ODAD1: variants seen among roughly 807,000 people sequenced by gnomAD.
The protein encoded by ODAD1 is outer dynein arm-docking complex subunit 1.
In ODAD1, 49 loss-of-function variants were observed where a neutral mutation model predicts 67.2. That is an observed-to-expected ratio of 0.73 (90% confidence interval 0.58 to 0.92). ODAD1 has a LOEUF of 0.92. ODAD1 is among the 40% of genes least tolerant of loss of function. The pLI, the probability that ODAD1 is intolerant of heterozygous loss-of-function variation, is 0.00. For synonymous variants in ODAD1, 345 were observed against 393.7 expected, an observed-to-expected ratio of 0.88 and a Z score of 1.46; for missense variants, 897 against 953.7, an observed-to-expected ratio of 0.94 and a Z score of 0.78.
At chr19:48,307,844 A>G (rs1968654677) in intron 7 of ODAD1, among the ~76,000 whole-genome samples, 1 of 151,588 alleles carries the variant, frequency 6.6e-6, no homozygotes, top group Non-Finnish European at 1.5e-5. Flanking sequence ...AAAAAAGAAA[A>G]CGGTCTCTTA....
chr19:48,318,338 C>T (rs901066045), intron 5 of ODAD1, 49 bp downstream of exon 5: 2 of 1,498,012 alleles, frequency 1.3e-6, no homozygotes, highest in Non-Finnish European at 1.8e-6. Context: ...AGGGAGGTTA[C>T]AACACTTGCC....
chr19:48,298,979 AC>A (rs1968384436), intron 12 of ODAD1, among the ~76,000 whole-genome samples: 4 of 150,726 alleles, frequency 2.7e-5, no homozygotes, highest in African/African-American at 9.8e-5. Flanking sequence ...GCTCCCCACC[AC>A]CCCCCACCTT....
chr19:48,311,871 A>G, intron 6 of ODAD1, 123 bp downstream of exon 6: 1 of 974,000 alleles, frequency 1.0e-6, no homozygotes, highest in Non-Finnish European at 1.5e-6. Context: ...CCATCCCTCC[A>G]GAATCCTGTG....
Position 48,298,360 on chromosome 19 carries a change from T to G in ODAD1, c.1241-20A>C. ...GGATATCTGCGTCATGGAGGGCCGGTTGTCAGGGATCTGGCACCGCCAGCT... is the reference window on the plus strand; with the variant it reads ...GGATATCTGCGTCATGGAGGGCCGGGTGTCAGGGATCTGGCACCGCCAGCT... On this transcript the variant is annotated intron_variant, in intron 12 of 15. Transcript: ENST00000674294. The G allele has an allele frequency of 1.2e-6, 2 of 1,612,844 alleles. No individual in the cohort carries two copies. The highest frequency in any genetic ancestry group is 1.7e-6 in the Non-Finnish European group (2 of 1,179,278).
At chr19:48,317,201 T>C (rs1968922860) in intron 5 of ODAD1, among the ~76,000 whole-genome samples, 1 of 149,688 alleles carries the variant, frequency 6.7e-6, no homozygotes, top group African/African-American at 2.5e-5. Context: ...GAATCCCACA[T>C]TAAAAAATGT....
chr19:48,306,397 G>T, intron 7 of ODAD1, 74 bp from the exon 8 acceptor site: 2 of 1,294,336 alleles, frequency 1.5e-6, no homozygotes, highest in Non-Finnish European at 2.2e-6. Flanking sequence ...TTTTGGCCCC[G>T]TGCTTCTCCA....
chr19:48,312,138 C>T lies in ODAD1; in HGVS notation c.361-22G>A, dbSNP rs143162483. 3.9e-6 allele frequency: 6 copies of T among 1,548,492 alleles called. No homozygotes were observed. The East Asian group carries it at 1.5e-4, about 38-fold the overall frequency. On this transcript the variant is annotated intron_variant, in intron 5 of 15. Transcript: ENST00000674294. ...GGATCTACAAGAAAGAGGATGGTAC[C>T]TGTTTTTGGTTGCCTGAATGTGGGA...
chr19:48,297,608 C>G lies in ODAD1; in HGVS notation c.1563G>C (p.Leu521=). 1 of 1,542,730 alleles carries G rather than the reference C, an allele frequency of 6.5e-7. No individual in the cohort carries two copies. The highest frequency in any genetic ancestry group is 8.7e-7 in the Non-Finnish European group (1 of 1,147,654). The change falls in exon 15 of 16, where the codon CTG becomes CTC. Residue 521 remains leucine, a synonymous_variant. Coordinates refer to ENST00000674294, the MANE Select transcript of ODAD1 (RefSeq NM_001364171.2). ...CTCTCACCAGCTTCTCCACTTGGCTCAGCAGCTCCTCCCTGCTCATGGGGT... is the reference window on the plus strand; with the variant it reads ...CTCTCACCAGCTTCTCCACTTGGCTGAGCAGCTCCTCCCTGCTCATGGGGT... ...DDYPMSREEL[L]SQVEKLVELQ...
At chr19:48,300,424 C>T (rs1160568070) in intron 12 of ODAD1, among the ~76,000 whole-genome samples, 1 of 152,142 alleles carries the variant, frequency 6.6e-6, no homozygotes, top group Non-Finnish European at 1.5e-5. Context: ...GGAGTTCAAA[C>T]AATGAAACTT....
At chr19:48,306,048 G>T in intron 8 of ODAD1, 1 of 281,748 alleles carries the variant, frequency 3.5e-6, no homozygotes, top group Non-Finnish European at 5.3e-6. Flanking sequence ...GACAGAGCCA[G>T]ACTCTGTCTC....
chr19:48,303,816 C>G, intron 9 of ODAD1, 32 bp from the exon 10 acceptor site: 1 of 1,588,076 alleles, frequency 6.3e-7, no homozygotes, highest in South Asian at 1.2e-5. Context: ...GGTCGGCCTC[C>G]TGGGTGGCCT....
At chr19:48,303,277 C>T (rs942792003) in intron 10 of ODAD1, 182 bp from the exon 11 acceptor site, 22 of 633,022 alleles carry the variant, frequency 3.5e-5, no homozygotes, top group African/African-American at 1.5e-4. Flanking sequence ...TGGGAAGATA[C>T]GGCAGGTGGG....
chr19:48,298,207 G>A lies in ODAD1; in HGVS notation c.1374C>T (p.Leu458=). The change falls in exon 13 of 16, where the codon CTC becomes CTT. Residue 458 remains leucine (L), a synonymous_variant. Transcript: ENST00000674294. ...LSLIEKRLVE[L]LTVQAFLHAQ... ...CATGTAGGAAGGCCTGCACTGTCAG[G>A]AGCTCCACCAGCCGCTTCTCAATGA... 6.2e-7 allele frequency: 1 copy of A among 1,613,548 alleles called. No individual in the cohort carries two copies. Among genetic ancestry groups the A allele is most frequent in the Non-Finnish European group, 8.5e-7 (1 of 1,179,988 alleles).
Position 48,297,218 on chromosome 19 carries a change from T to G in ODAD1, c.1882A>C (p.Thr628Pro), listed in dbSNP as rs755830862. ...ACGTGGCCCCCACTCGAGGCACTGG[T>G]GGAGCCGAAGGTCACGTGGCCAGTG... is the stretch of plus-strand genomic sequence containing the variant. ...PNTGHVTFGS[T>P]SASSGGHVTF... The change falls in exon 16 of 16, where the codon ACC becomes CCC. Residue 628 changes from threonine (T) to proline (P), a missense_variant. Thr to Pro is a conservative substitution (Grantham distance 38, BLOSUM62 -1). Transcript: ENST00000674294. 3.7e-6 allele frequency: 6 copies of G among 1,614,046 alleles called. 1 individual carries two copies. The South Asian group carries it at 6.6e-5, about 18-fold the overall frequency.
chr19:48,296,845 A>C lies in ODAD1; in HGVS notation c.*131T>G. 1 of 1,432,574 alleles carries C rather than the reference A, an allele frequency of 7.0e-7. No homozygotes were observed. The highest frequency in any genetic ancestry group is 1.5e-5 in the South Asian group (1 of 65,374). 88.7% of individuals were successfully genotyped at this position (1,432,574 alleles called of 1,614,324 possible). On this transcript the variant is annotated 3_prime_UTR_variant, in exon 16 of 16. Coordinates refer to ENST00000674294, the MANE Select transcript of ODAD1 (RefSeq NM_001364171.2). ...ATGAAGGGCAGATGAAAACAGTTGA[A>C]GGGGCAAAAAGACAGAGGCCTGCCA...
At chr19:48,302,367 A>ATGG (rs1968488369) in intron 12 of ODAD1, among the ~76,000 whole-genome samples, 2 of 142,504 alleles carry the variant, frequency 1.4e-5, no homozygotes, top group Admixed American at 7.0e-5. Context: ...ACAGACGTTG[A>ATGG]ATGGATGGAT....
At chr19:48,314,542 C>T (rs1968848637) in intron 5 of ODAD1, among the ~76,000 whole-genome samples, 1 of 152,180 alleles carries the variant, frequency 6.6e-6, no homozygotes. Context: ...GAACTGCTAG[C>T]TTAAGGCAGT....
Position 48,297,159 on chromosome 19 carries a change from C to G in ODAD1, c.1941G>C (p.Leu647=). The change falls in exon 16 of 16, where the codon CTG becomes CTC. Residue 647 remains leucine (L), a synonymous_variant. Transcript: ENST00000674294. The part of the protein sequence containing the change: ...TFRPVSASSY[L]GSTGYVGSSR... ...TGGACCCCACGTATCCAGTGGAGCC[C>G]AGGTAGCTGCTGGCGCTGACGGGTC... 3 of 1,614,148 alleles carry G rather than the reference C, an allele frequency of 1.9e-6. No homozygotes were observed. The South Asian group carries it at 3.3e-5, about 18-fold the overall frequency.
intron 3 of ODAD1, 105 bp downstream of exon 3, chr19:48,320,194 C>T (rs974040760): frequency 4.5e-6 from 4 of 879,940 alleles, no homozygotes; most frequent in Non-Finnish European, 6.1e-6. Flanking sequence ...CACCAGAGGG[C>T]GCTCCTGGAC....
Sources: allele counts gnomAD v4.1 joint callset (sites outside exome capture counted in the v4.1 genomes callset), GRCh38; gene constraint gnomAD v4.1.1; transcripts MANE v1.5; gene names NCBI Gene and HGNC (gene_info 2026-07-23, HGNC 2026-07-21).